The following SAMMSON variants were observed in gnomAD, a reference collection of about 807,000 sequenced individuals.
The protein encoded by SAMMSON is survival associated mitochondrial melanoma specific oncogenic non-coding RNA, also known as long intergenic non-protein coding RNA 1212.
intron 3 of SAMMSON, among the ~76,000 whole-genome samples, chr3:70,033,319 A>G (rs1242063199): frequency 6.6e-6 from 1 of 152,054 alleles, no homozygotes; most frequent in Non-Finnish European, 1.5e-5. Context: ...CTGGGCTTTC[A>G]TGAGAATCCA....
intron 7 of SAMMSON, among the ~76,000 whole-genome samples, chr3:70,340,814 G>T (rs1414433109): frequency 2.0e-5 from 3 of 151,986 alleles, no homozygotes; most frequent in Admixed American, 6.6e-5. Flanking sequence ...AGCTGATTTT[G>T]CTTGTATTGT....
chr3:70,071,637 T>C (rs1263941025), intron 4 of SAMMSON: 1 of 152,034 alleles, frequency 6.6e-6, no homozygotes, highest in Non-Finnish European at 1.5e-5. Flanking sequence ...GTTTCTTAAT[T>C]TAAGCCTCGC....
chr3:70,159,908 G>A (rs772442787), intron 4 of SAMMSON, among the ~76,000 whole-genome samples: 1 of 151,862 alleles, frequency 6.6e-6, no homozygotes, highest in African/African-American at 2.4e-5. Context: ...TCTCCTTGTG[G>A]TTTCTATTTG....
intron 7 of SAMMSON, among the ~76,000 whole-genome samples, chr3:70,307,199 G>T (rs1346522572): frequency 6.6e-6 from 1 of 152,082 alleles, no homozygotes; most frequent in Non-Finnish European, 1.5e-5. Flanking sequence ...TGTTGTTTTG[G>T]TGGTGGTGTT....
At chr3:70,421,780 G>T (rs1701315154) in intron 2 of SAMMSON, among the ~76,000 whole-genome samples, 1 of 152,084 alleles carries the variant, frequency 6.6e-6, no homozygotes, top group African/African-American at 2.4e-5. Context: ...ACTTTCAAAT[G>T]CTTGGTCTTA....
chr3:70,112,081 A>G (rs1490756299), intron 4 of SAMMSON, among the ~76,000 whole-genome samples: 1 of 152,198 alleles, frequency 6.6e-6, no homozygotes, highest in Non-Finnish European at 1.5e-5. Flanking sequence ...TTCAGATTGA[A>G]GAATTACATT....
At chr3:70,297,978 CAG>C (rs199735241) in intron 7 of SAMMSON, among the ~76,000 whole-genome samples, 3,095 of 152,070 alleles carry the variant, frequency 0.02, 45 homozygotes, top group South Asian at 0.062. Context: ...CTTAAATAAT[CAG>C]GGGAGAAATT....
intron 3 of SAMMSON, among the ~76,000 whole-genome samples, chr3:70,023,301 A>C (rs549515355): frequency 1.4e-5 from 2 of 143,312 alleles, no homozygotes; most frequent in South Asian, 4.3e-4. Flanking sequence ...GTAAAAATAC[A>C]AAAAAAAAAA....
intron 4 of SAMMSON, among the ~76,000 whole-genome samples, chr3:70,214,541 A>C (rs1701385880): frequency 1.3e-5 from 2 of 151,760 alleles, no homozygotes; most frequent in Admixed American, 1.3e-4. Context: ...AAGGCTGAGC[A>C]TGGCCCCCTC....
intron 2 of SAMMSON, among the ~76,000 whole-genome samples, chr3:70,429,413 T>C (rs1289860264): frequency 1.3e-5 from 2 of 152,178 alleles, no homozygotes; most frequent in Non-Finnish European, 1.5e-5. Flanking sequence ...GCCTCCAGCT[T>C]TGTTCTTTTT....
intron 7 of SAMMSON, among the ~76,000 whole-genome samples, chr3:70,326,001 C>T (rs1162616259): frequency 6.6e-6 from 1 of 152,094 alleles, no homozygotes; most frequent in East Asian, 1.9e-4. Context: ...TCTTTGTTTC[C>T]TAGAACCGCT....
intron 4 of SAMMSON, among the ~76,000 whole-genome samples, chr3:70,088,169 C>T (rs746118314): frequency 1.3e-5 from 2 of 152,138 alleles, no homozygotes; most frequent in Non-Finnish European, 2.9e-5. Flanking sequence ...TTCATGCAAC[C>T]TTAGGATAAC....
At chr3:70,028,976 A>T (rs1227813678) in intron 3 of SAMMSON, among the ~76,000 whole-genome samples, 1 of 152,174 alleles carries the variant, frequency 6.6e-6, no homozygotes, top group Non-Finnish European at 1.5e-5. Flanking sequence ...GCTTAGAGAG[A>T]TTAAGACACT....
intron 4 of SAMMSON, among the ~76,000 whole-genome samples, chr3:70,234,144 G>A (rs1484998072): frequency 6.6e-6 from 1 of 152,208 alleles, no homozygotes. Flanking sequence ...TGAGTGGGAT[G>A]TGGACAACTA....
In SAMMSON at chr3:70,383,029, A is replaced by G. The variant is rs530093240; in HGVS notation, n.914-6545A>G. 1.4e-4 allele frequency among the ~76,000 whole-genome samples: 21 copies of G among 152,146 alleles called. No individual in the cohort carries two copies. In the East Asian group the frequency reaches 4.1e-3, roughly 29 times the overall value. On this transcript the variant is annotated intron_variant and non_coding_transcript_variant, in intron 9 of 9. Coordinates refer to ENST00000642114, the Ensembl canonical transcript of SAMMSON. The stretch of plus-strand genomic sequence containing the variant: ...CTTCCTGTCTTTTCTTATTCTATTC[A>G]TCTTCTCTTCCTCTCCCACACTCAT...
chr3:70,076,782 C>A (rs540488249), intron 4 of SAMMSON, among the ~76,000 whole-genome samples: 1 of 152,040 alleles, frequency 6.6e-6, no homozygotes, highest in African/African-American at 2.4e-5. Flanking sequence ...ATTTGGAATG[C>A]GTTTCTACCA....
intron 8 of SAMMSON, among the ~76,000 whole-genome samples, chr3:70,357,436 G>A (rs181675157): frequency 5.3e-5 from 8 of 152,226 alleles, no homozygotes; most frequent in Admixed American, 4.6e-4. Flanking sequence ...TGTAAAATAT[G>A]TTAATGATTT....
intron 4 of SAMMSON, among the ~76,000 whole-genome samples, chr3:70,105,799 T>G (rs909942732): frequency 6.6e-6 from 1 of 152,204 alleles, no homozygotes; most frequent in Non-Finnish European, 1.5e-5. Flanking sequence ...AGGGGTCTTT[T>G]GGGTCTCTCC....
intron 4 of SAMMSON, among the ~76,000 whole-genome samples, chr3:70,089,925 T>C (rs1489609923): frequency 6.6e-6 from 1 of 152,164 alleles, no homozygotes; most frequent in African/African-American, 2.4e-5. Context: ...GATGGCTGGG[T>C]AAATGTCCCC....
Sources: gnomAD v4.1 joint callset for allele counts (sites outside exome capture counted in the v4.1 genomes callset) on GRCh38, gnomAD v4.1.1 for gene constraint, MANE v1.5 for transcripts, NCBI Gene and HGNC (gene_info 2026-07-23, HGNC 2026-07-21) for gene names.